The following FMN2 variants were observed in gnomAD, a reference collection of about 807,000 sequenced individuals.
FMN2 encodes the protein formin 2.
FMN2 carries 51 observed loss-of-function variants against 142.3 expected under a neutral mutation model. The observed-to-expected ratio is 0.36, with a 90% CI of 0.29 to 0.45. The LOEUF (loss-of-function observed/expected upper bound fraction) is 0.45, where lower values mean the gene tolerates loss of function less well. Ranked by LOEUF, FMN2 falls within the 20% of genes least tolerant of loss-of-function variation. The pLI, the probability that FMN2 is intolerant of heterozygous loss-of-function variation, is 1.00. For synonymous variants in FMN2, 882 were observed against 869.8 expected, an observed-to-expected ratio of 1.01 and a Z score of -0.25; for missense variants, 1,936 against 2,122.8, an observed-to-expected ratio of 0.91 and a Z score of 1.73.
At chr1:240,445,422 C>G (rs1426601058) in intron 16 of FMN2, among the ~76,000 whole-genome samples, 1 of 152,152 alleles carries the variant, frequency 6.6e-6, no homozygotes, top group Non-Finnish European at 1.5e-5. Flanking sequence ...TCAGAGGAGG[C>G]CTTTCTGAAG....
At chr1:240,108,677 A>G (rs1455252622) in intron 1 of FMN2, among the ~76,000 whole-genome samples, 2 of 152,214 alleles carry the variant, frequency 1.3e-5, no homozygotes, top group Admixed American at 1.3e-4. Context: ...TGGAAGAAAC[A>G]GAAACCTGTG....
chr1:240,270,820 G>A (rs923487677), intron 7 of FMN2, among the ~76,000 whole-genome samples: 17 of 151,930 alleles, frequency 1.1e-4, no homozygotes, highest in Admixed American at 9.9e-4. Flanking sequence ...TAGAGTGGTG[G>A]TTACTAGAGG....
intron 14 of FMN2, among the ~76,000 whole-genome samples, chr1:240,377,095 T>G (rs1460255721): frequency 1.3e-5 from 2 of 152,226 alleles, no homozygotes; most frequent in Non-Finnish European, 2.9e-5. Flanking sequence ...TATTTTATAT[T>G]CATCCTCATA....
intron 7 of FMN2, 81 bp downstream of exon 7, chr1:240,258,113 C>G: frequency 9.1e-7 from 1 of 1,102,328 alleles, no homozygotes; most frequent in Non-Finnish European, 1.3e-6. Flanking sequence ...AATGTTATTT[C>G]AAACTTAGAG....
At chr1:240,306,161 G>A (rs1670391635) in intron 8 of FMN2, among the ~76,000 whole-genome samples, 1 of 152,102 alleles carries the variant, frequency 6.6e-6, no homozygotes, top group South Asian at 2.1e-4. Flanking sequence ...TGTTGGCCAG[G>A]CTGGTCTCGG....
intron 8 of FMN2, among the ~76,000 whole-genome samples, chr1:240,302,007 A>G (rs1213059457): frequency 6.6e-6 from 1 of 152,050 alleles, no homozygotes; most frequent in Admixed American, 6.6e-5. Flanking sequence ...CATACATGTT[A>G]CATCTTGAGT....
intron 1 of FMN2, among the ~76,000 whole-genome samples, chr1:240,108,051 A>C (rs969569944): frequency 6.6e-6 from 1 of 152,164 alleles, no homozygotes; most frequent in African/African-American, 2.4e-5. Context: ...TCTTCCTGTA[A>C]GAGTGTCTAA....
At chr1:240,094,105 GA>G (rs896844394) in intron 1 of FMN2, among the ~76,000 whole-genome samples, 4 of 151,834 alleles carry the variant, frequency 2.6e-5, no homozygotes, top group Non-Finnish European at 4.4e-5. Context: ...GCATTAAAAA[GA>G]AAAAAAATTG....
At chr1:240,095,968 T>C (rs905041574) in intron 1 of FMN2, among the ~76,000 whole-genome samples, 3 of 152,184 alleles carry the variant, frequency 2.0e-5, no homozygotes, top group Non-Finnish European at 4.4e-5. Flanking sequence ...AGCTGGTTGG[T>C]AATCAGCAAA....
intron 14 of FMN2, among the ~76,000 whole-genome samples, chr1:240,376,026 T>C (rs1347570827): frequency 6.6e-6 from 1 of 152,146 alleles, no homozygotes; most frequent in Admixed American, 6.5e-5. Context: ...ATAGGTAGAA[T>C]TGTTATATCT....
intron 16 of FMN2, among the ~76,000 whole-genome samples, chr1:240,470,182 A>G (rs1676759815): frequency 6.8e-6 from 1 of 147,538 alleles, no homozygotes; most frequent in Non-Finnish European, 1.5e-5. Context: ...TTAAGAGGAG[A>G]TCCACTGGAT....
chr1:240,227,274 C>T (rs1667343216), intron 6 of FMN2, among the ~76,000 whole-genome samples: 1 of 152,072 alleles, frequency 6.6e-6, no homozygotes, highest in Non-Finnish European at 1.5e-5. Context: ...ATCTAGAAAG[C>T]ATTGTTGAAA....
rs1479202120 is a variant in FMN2 at position 240,091,953 on chromosome 1, C to T, written c.-157C>T. On this transcript the variant is annotated 5_prime_UTR_variant, in exon 1 of 18. Coordinates refer to ENST00000319653, the MANE Select transcript of FMN2 (RefSeq NM_020066.5). ...TATGCAAAGCGGCGGCAGATGCGAGCGGGGCCAGCCGGGCGCGCGTCGGCC... is the reference window on the plus strand; with the variant it reads ...TATGCAAAGCGGCGGCAGATGCGAGTGGGGCCAGCCGGGCGCGCGTCGGCC... 2.4e-6 allele frequency: 3 copies of T among 1,247,014 alleles called. No homozygotes were observed. Among genetic ancestry groups the T allele is most frequent in the Admixed American group, 3.9e-5 (1 of 25,438 alleles). 77.2% of individuals were successfully genotyped at this position (1,247,014 alleles called of 1,614,324 possible).
intron 7 of FMN2, among the ~76,000 whole-genome samples, chr1:240,289,109 C>T (rs1382216639): frequency 6.6e-6 from 1 of 152,110 alleles, no homozygotes; most frequent in Non-Finnish European, 1.5e-5. Flanking sequence ...GTAATAAACA[C>T]TGTGAGATTT....
Position 240,406,300 on chromosome 1 carries a change from CGAAGGGAAGCAGCCTCGGGAGTG to C in FMN2, c.4910+13740_4910+13762del, listed in dbSNP as rs1558475095. ...GAAGCAGCCTCGGGAGTGGGGGGAG[CGAAGGGAAGCAGCCTCGGGAGTG>C]GGGGGAGCGAAGGGAAGCAGCCTCG... On this transcript the variant is annotated intron_variant, in intron 15 of 17. Transcript: ENST00000319653. 7.5e-5 allele frequency among the ~76,000 whole-genome samples: 5 copies of C among 67,084 alleles called. No homozygotes were observed. In the South Asian group the frequency reaches 2.2e-3, roughly 29 times the overall value. 44.0% of individuals were successfully genotyped at this position (67,084 alleles called of 152,430 possible).
chr1:240,188,156 T>C (rs752145146), intron 3 of FMN2, 51 bp from the exon 4 acceptor site: 2 of 1,555,034 alleles, frequency 1.3e-6, no homozygotes, highest in Admixed American at 3.6e-5. Flanking sequence ...ATTGAAGAAA[T>C]AGGAAAATTG....
intron 8 of FMN2, among the ~76,000 whole-genome samples, chr1:240,311,940 C>G (rs1343281344): frequency 6.6e-6 from 1 of 152,154 alleles, no homozygotes; most frequent in Non-Finnish European, 1.5e-5. Flanking sequence ...ATCCTCTTGC[C>G]TCACCCTCTC....
chr1:240,396,717 G>A (rs573253713), intron 15 of FMN2, among the ~76,000 whole-genome samples: 30 of 152,218 alleles, frequency 2.0e-4, no homozygotes, highest in African/African-American at 6.3e-4. Flanking sequence ...TTGGTTTTCC[G>A]TTCTTGCGTT....
At chr1:240,377,755 G>A (rs1269822289) in intron 14 of FMN2, among the ~76,000 whole-genome samples, 1 of 152,002 alleles carries the variant, frequency 6.6e-6, no homozygotes, top group East Asian at 1.9e-4. Context: ...TCATCTTAAG[G>A]TCAGCTGATT....
Sources: gnomAD v4.1 joint callset for allele counts (sites outside exome capture counted in the v4.1 genomes callset) on GRCh38, gnomAD v4.1.1 for gene constraint, MANE v1.5 for transcripts, NCBI Gene and HGNC (gene_info 2026-07-23, HGNC 2026-07-21) for gene names.